EXOC4: variants seen among roughly 807,000 people sequenced by gnomAD.
The protein encoded by EXOC4 is SEC8-like 1.
Under a neutral mutation model 107.2 loss-of-function variants are expected in EXOC4, and 71 were observed. The ratio of observed to expected loss-of-function variants is 0.66; its 90% CI spans 0.55 to 0.81. The LOEUF (loss-of-function observed/expected upper bound fraction) is 0.81, where lower values mean the gene tolerates loss of function less well. EXOC4 is among the 30% of genes least tolerant of loss of function. The probability of loss-of-function intolerance (pLI) is 0.00; values close to 1 mark genes in which losing one functional copy is unlikely to be tolerated. For synonymous variants in EXOC4, 456 were observed against 441.2 expected (o/e 1.03, Z -0.42); for missense variants, 1,108 against 1,189.6 (o/e 0.93, Z 1.01).
At chr7:133,330,092 T>C (rs1012506239) in intron 5 of EXOC4, among the ~76,000 whole-genome samples, 1 of 152,272 alleles carries the variant, frequency 6.6e-6, no homozygotes, top group South Asian at 2.1e-4. Flanking sequence ...TGACTGGGGC[T>C]GCTGCCTTTT....
At chr7:133,863,525 G>A (rs1053517199) in intron 11 of EXOC4, among the ~76,000 whole-genome samples, 2 of 152,234 alleles carry the variant, frequency 1.3e-5, no homozygotes, top group East Asian at 3.9e-4. Flanking sequence ...TCAGAGCAGG[G>A]ATTACCTTTG....
intron 4 of EXOC4, among the ~76,000 whole-genome samples, chr7:133,310,424 T>G (rs1056285947): frequency 6.6e-6 from 1 of 152,210 alleles, no homozygotes; most frequent in African/African-American, 2.4e-5. Flanking sequence ...CATTGTGTCC[T>G]TCAAGGTCCT....
intron 17 of EXOC4, among the ~76,000 whole-genome samples, chr7:134,027,727 G>A (rs930221905): frequency 4.6e-5 from 7 of 151,594 alleles, no homozygotes; most frequent in Admixed American, 4.6e-4. Flanking sequence ...GGAGAAAGAA[G>A]CAGAGCTCAG....
At chr7:133,946,230 G>A (rs1193662812) in intron 14 of EXOC4, among the ~76,000 whole-genome samples, 1 of 152,012 alleles carries the variant, frequency 6.6e-6, no homozygotes, top group Non-Finnish European at 1.5e-5. Context: ...CTTCATTTCT[G>A]TCATTCTTCT....
rs1797401756 is a variant in EXOC4 at position 133,817,548 on chromosome 7, A to G, written c.1734+4A>G. On this transcript the variant is annotated splice_donor_region_variant and intron_variant, in intron 11 of 17. Transcript: ENST00000253861. ...AGTGCAGCGGCCTCTCCTACAGGTA[A>G]TAATACACTTTGAACTTACTATTTT... 2 of 1,603,060 alleles carry G rather than the reference A, an allele frequency of 1.2e-6. No homozygotes were observed. Among genetic ancestry groups the G allele is most frequent in the Non-Finnish European group, 1.7e-6 (2 of 1,170,274 alleles).
At chr7:133,460,142 T>C (rs1295276901) in intron 7 of EXOC4, among the ~76,000 whole-genome samples, 1 of 152,180 alleles carries the variant, frequency 6.6e-6, no homozygotes, top group African/African-American at 2.4e-5. Flanking sequence ...AATGAAACTG[T>C]TCCACCTCAC....
chr7:133,840,732 C>T (rs772577501), intron 11 of EXOC4, among the ~76,000 whole-genome samples: 33 of 152,222 alleles, frequency 2.2e-4, no homozygotes, highest in Non-Finnish European at 4.1e-4. Context: ...CCACCTGCCT[C>T]AGCCTCCCAA....
chr7:133,863,126 C>G (rs1298044707), intron 11 of EXOC4, among the ~76,000 whole-genome samples: 1 of 152,026 alleles, frequency 6.6e-6, no homozygotes, highest in African/African-American at 2.4e-5. Flanking sequence ...ATGGGGAGAT[C>G]TGCACAATTT....
chr7:133,655,885 A>T (rs1013875084), intron 10 of EXOC4, among the ~76,000 whole-genome samples: 2 of 152,190 alleles, frequency 1.3e-5, no homozygotes, highest in African/African-American at 4.8e-5. Context: ...GTTGTTTGTT[A>T]TTCGTATCTG....
rs368101148 is a variant in EXOC4, at chr7:133,546,253, C to CTTTTT, written c.1417+66130_1417+66134dup. The stretch of plus-strand genomic sequence containing the variant: ...CACCCTTTTTATAATAGCTGGAAAA[C>CTTTTT]TTTTTTTTTTTTTTTTTTTCCGAGA... On this transcript the variant is annotated intron_variant, in intron 9 of 17. Transcript: ENST00000253861. Among the ~76,000 whole-genome samples, 13 of 119,306 alleles carry CTTTTT rather than the reference C, an allele frequency of 1.1e-4. 1 individual carries two copies. The highest frequency in any genetic ancestry group is 4.8e-4 in the East Asian group (2 of 4,200). 78.3% of individuals were successfully genotyped at this position (119,306 alleles called of 152,430 possible).
At chr7:133,686,956 C>T (rs1794312943) in intron 10 of EXOC4, among the ~76,000 whole-genome samples, 1 of 151,410 alleles carries the variant, frequency 6.6e-6, no homozygotes, top group African/African-American at 2.4e-5. Context: ...CAGAAACCAG[C>T]CCAAATGCCT....
rs1796452901 is a variant in EXOC4, at chr7:133,374,892, G to A, written c.1072G>A (p.Val358Met). The change falls in exon 7 of 18, where the codon GTG becomes ATG. Residue 358 changes from valine to methionine, a missense_variant. Coordinates refer to ENST00000253861, the MANE Select transcript of EXOC4 (RefSeq NM_021807.4). ...TAATGCTGTAGCCGCTGCACACTCT[G>A]TGGTCCTGGGATACCTGCAGGACAC... ...KFNAVAAAHS[V>M]VLGYLQDTVV... 1.2e-6 allele frequency: 2 copies of A among 1,613,912 alleles called. No homozygotes were observed.
At chr7:133,358,992 C>T (rs1330727608) in intron 6 of EXOC4, among the ~76,000 whole-genome samples, 1 of 152,156 alleles carries the variant, frequency 6.6e-6, no homozygotes, top group African/African-American at 2.4e-5. Flanking sequence ...ATATTGGACA[C>T]TAACAAGTGA....
rs1244398370 is a variant in EXOC4, at chr7:133,817,417, T to C, written c.1607T>C (p.Phe536Ser). The C allele has an allele frequency of 2.0e-5, 32 of 1,614,088 alleles. No homozygotes were observed. The highest frequency in any genetic ancestry group is 2.7e-5 in the Non-Finnish European group (32 of 1,179,938). Reference sequence around the variant, plus strand: ...CTCACCGTGTACATCAAAAACATCTTTCTCAATCAAGTCTTGGCTGAGATC... The same window carrying C: ...CTCACCGTGTACATCAAAAACATCTCTCTCAATCAAGTCTTGGCTGAGATC... ...EFLTVYIKNI[F>S]LNQVLAEINK... The change falls in exon 11 of 18, where the codon TTT becomes TCT. Residue 536 changes from phenylalanine to serine, a missense_variant. Phe to Ser is a radical substitution (Grantham distance 155). Coordinates refer to ENST00000253861, the MANE Select transcript of EXOC4 (RefSeq NM_021807.4).
At chr7:133,871,400 CTCT>C (rs1798749260) in intron 11 of EXOC4, among the ~76,000 whole-genome samples, 1 of 152,082 alleles carries the variant, frequency 6.6e-6, no homozygotes, top group Admixed American at 6.5e-5. Context: ...GCTAGTCATG[CTCT>C]TCTTCTGTTC....
intron 10 of EXOC4, among the ~76,000 whole-genome samples, chr7:133,720,216 C>CTAA (rs978053316): frequency 1.3e-5 from 2 of 152,088 alleles, no homozygotes; most frequent in African/African-American, 4.8e-5. Context: ...TGGCCTTGGG[C>CTAA]CTTAAGCCAC....
At chr7:133,469,456 G>T (rs1489227995) in intron 7 of EXOC4, among the ~76,000 whole-genome samples, 1 of 151,884 alleles carries the variant, frequency 6.6e-6, no homozygotes, top group Non-Finnish European at 1.5e-5. Context: ...AAAACAAAAA[G>T]GAAAATTGGG....
At chr7:133,519,828 C>T (rs570604305) in intron 9 of EXOC4, among the ~76,000 whole-genome samples, 238 of 152,214 alleles carry the variant, frequency 1.6e-3, no homozygotes, top group Middle Eastern at 6.8e-3. Context: ...GAAATGAATA[C>T]ACATCTCAGT....
chr7:133,745,272 G>A (rs1411208947), intron 10 of EXOC4, among the ~76,000 whole-genome samples: 2 of 152,112 alleles, frequency 1.3e-5, no homozygotes, highest in Non-Finnish European at 2.9e-5. Context: ...AGGCAGTAGA[G>A]TGTAGTTATG....
Sources: allele counts gnomAD v4.1 joint callset (sites outside exome capture counted in the v4.1 genomes callset), GRCh38; gene constraint gnomAD v4.1.1; transcripts MANE v1.5; gene names NCBI Gene and HGNC (gene_info 2026-07-23, HGNC 2026-07-21).